The following COL26A1 variants were observed in gnomAD, a reference collection of about 807,000 sequenced individuals.
COL26A1 encodes the protein collagen type XXVI alpha 1 chain.
In COL26A1, 41 loss-of-function variants were observed where a neutral mutation model predicts 59.3. That is an observed-to-expected ratio of 0.69 (90% confidence interval 0.54 to 0.90). The LOEUF is 0.90. Among genes scored for constraint, COL26A1 ranks in the 40% least tolerant of loss-of-function variants. The pLI is 0.00. For synonymous variants in COL26A1, 266 were observed against 256.0 expected (o/e 1.04, Z -0.37); for missense variants, 612 against 602.3 (o/e 1.02, Z -0.17).
intron 1 of COL26A1, among the ~76,000 whole-genome samples, chr7:101,383,707 G>A (rs1355188591): frequency 1.3e-5 from 2 of 152,106 alleles, no homozygotes; most frequent in African/African-American, 4.8e-5. Flanking sequence ...GCTACTTTTT[G>A]TATTTTTAGT....
At chr7:101,430,840 G>C (rs1656669531) in intron 2 of COL26A1, among the ~76,000 whole-genome samples, 1 of 151,952 alleles carries the variant, frequency 6.6e-6, no homozygotes, top group South Asian at 2.1e-4. Context: ...TGTCACCCAG[G>C]CTGGAGTGCA....
At chr7:101,475,920 T>TCTCTCTCTC (rs1563000308) in intron 3 of COL26A1, among the ~76,000 whole-genome samples, 118 of 146,512 alleles carry the variant, frequency 8.1e-4, no homozygotes, top group East Asian at 2.3e-3. Context: ...CTCTCTCTCT[T>TCTCTCTCTC]TCTTTCTCTC....
chr7:101,517,798 ATTTTTTTTTTTTT>A (rs869245512), intron 3 of COL26A1, among the ~76,000 whole-genome samples: 6,241 of 76,824 alleles, frequency 0.081, 640 homozygotes, highest in African/African-American at 0.28. Flanking sequence ...TTCTCCCCGC[ATTTTTTTTTTTTT>A]TTTTTTTTTT....
intron 3 of COL26A1, among the ~76,000 whole-genome samples, chr7:101,491,678 T>C (rs1300589303): frequency 6.6e-6 from 1 of 152,138 alleles, no homozygotes; most frequent in East Asian, 1.9e-4. Flanking sequence ...TAAACTGTCA[T>C]GGTGCTGGTG....
chr7:101,464,320 G>A (rs370079101), intron 3 of COL26A1, among the ~76,000 whole-genome samples: 23 of 151,876 alleles, frequency 1.5e-4, no homozygotes, highest in Admixed American at 2.6e-4. Flanking sequence ...GGCTGGTCTC[G>A]AACTCCTGAC....
chr7:101,508,378 C>T (rs1271415521), intron 3 of COL26A1, among the ~76,000 whole-genome samples: 1 of 151,894 alleles, frequency 6.6e-6, no homozygotes, highest in African/African-American at 2.4e-5. Flanking sequence ...AAAAATCATC[C>T]AGGCGTGGTG....
intron 1 of COL26A1, among the ~76,000 whole-genome samples, chr7:101,377,201 T>A (rs1791339056): frequency 6.6e-6 from 1 of 151,774 alleles, no homozygotes; most frequent in Admixed American, 6.6e-5. Flanking sequence ...GAGATGGGGG[T>A]GTCACTATGT....
At chr7:101,405,123 G>C (rs1792097750) in intron 1 of COL26A1, among the ~76,000 whole-genome samples, 1 of 148,124 alleles carries the variant, frequency 6.8e-6, no homozygotes, top group South Asian at 2.2e-4. Flanking sequence ...TCAGGAGACC[G>C]AGGCAGGAGA....
rs1554404085 is a variant in COL26A1 at position 101,387,778 on chromosome 7, A to ATTTTTT, written c.158+24592_158+24597dup. 1.1e-3 allele frequency among the ~76,000 whole-genome samples: 96 copies of ATTTTTT among 84,760 alleles called. 1 individual carries two copies. Among genetic ancestry groups the ATTTTTT allele is most frequent in the African/African-American group, 2.9e-3 (58 of 20,094 alleles). The allele number at this position is 84,760 out of a possible 152,430, so 55.6% of individuals were successfully genotyped here. On this transcript the variant is annotated intron_variant, in intron 1 of 12. Coordinates refer to ENST00000313669, the MANE Select transcript of COL26A1 (RefSeq NM_001278563.3). ...TTTATATATATATATATATATATAT[A>ATTTTTT]TTTTTTTTTAAGACAGAGTCTCACT...
At chr7:101,556,927 GGATA>G (rs772986073) in intron 12 of COL26A1, among the ~76,000 whole-genome samples, 14 of 151,202 alleles carry the variant, frequency 9.3e-5, no homozygotes, top group Non-Finnish European at 1.6e-4. Context: ...ATGGATGGAT[GGATA>G]GATGCATAGA....
At chr7:101,506,628 T>G (rs1794817573) in intron 3 of COL26A1, among the ~76,000 whole-genome samples, 1 of 152,200 alleles carries the variant, frequency 6.6e-6, no homozygotes, top group South Asian at 2.1e-4. Context: ...TCCTTTTACC[T>G]AGCCTCCGTG....
intron 2 of COL26A1, among the ~76,000 whole-genome samples, chr7:101,437,764 C>T (rs138244368): frequency 3.7e-4 from 54 of 147,438 alleles, no homozygotes; most frequent in Non-Finnish European, 5.6e-4. Context: ...TTTTAAGAGA[C>T]GGGGTCTGGC....
At chr7:101,525,334 G>A (rs187954502) in intron 3 of COL26A1, among the ~76,000 whole-genome samples, 7 of 145,210 alleles carry the variant, frequency 4.8e-5, no homozygotes, top group Admixed American at 1.4e-4. Flanking sequence ...GGCGTGTGCC[G>A]CCATGCCCAG....
At chr7:101,406,962 A>T (rs1792142161) in intron 1 of COL26A1, among the ~76,000 whole-genome samples, 1 of 146,564 alleles carries the variant, frequency 6.8e-6, no homozygotes, top group Non-Finnish European at 1.5e-5. Flanking sequence ...TAAAAAACAA[A>T]CAAGAAAACC....
intron 1 of COL26A1, among the ~76,000 whole-genome samples, chr7:101,401,422 TGGA>T (rs1325408435): frequency 1.4e-5 from 2 of 140,982 alleles, no homozygotes; most frequent in African/African-American, 5.4e-5. Flanking sequence ...GAGCAGGAGG[TGGA>T]GGAGAAGGAG....
intron 3 of COL26A1, among the ~76,000 whole-genome samples, chr7:101,524,522 C>A (rs1172701221): frequency 6.6e-6 from 1 of 151,678 alleles, no homozygotes; most frequent in Non-Finnish European, 1.5e-5. Context: ...TGTAACACAC[C>A]AGCTGCAATT....
intron 2 of COL26A1, among the ~76,000 whole-genome samples, chr7:101,439,567 A>AG (rs71106530): frequency 6.7e-6 from 1 of 149,646 alleles, no homozygotes; most frequent in Non-Finnish European, 1.5e-5. Flanking sequence ...AAAAAAAAAA[A>AG]GAGGTAAGGA....
chr7:101,557,647 TGAGGACATGGGGGGCTTTGGG>T lies in COL26A1; in HGVS notation c.*120_*140del. Reference sequence around the variant, plus strand: ...ACTGGGCTCCAGGCATGGATGATTGTGAGGACATGGGGGGCTTTGGGGACAGATAATGTCTCCAGGGGCAGG... The same window carrying T: ...ACTGGGCTCCAGGCATGGATGATTGTGACAGATAATGTCTCCAGGGGCAGG... On this transcript the variant is annotated 3_prime_UTR_variant, in exon 13 of 13. Coordinates refer to ENST00000313669, the MANE Select transcript of COL26A1 (RefSeq NM_001278563.3). The T allele has an allele frequency of 9.3e-6, 10 of 1,075,634 alleles. No individual in the cohort carries two copies. Among genetic ancestry groups the T allele is most frequent in the Non-Finnish European group, 1.3e-5 (10 of 767,496 alleles). 66.6% of individuals were successfully genotyped at this position (1,075,634 alleles called of 1,614,324 possible).
At chr7:101,463,779 T>TTCTTTCTCTC (rs1554416032) in intron 3 of COL26A1, among the ~76,000 whole-genome samples, 11 of 122,660 alleles carry the variant, frequency 9.0e-5, no homozygotes, top group Non-Finnish European at 1.4e-4. Flanking sequence ...CCTTCTTTCT[T>TTCTTTCTCTC]TCTTTCTTCC....
Sources: allele counts gnomAD v4.1 joint callset (sites outside exome capture counted in the v4.1 genomes callset), GRCh38; gene constraint gnomAD v4.1.1; transcripts MANE v1.5; gene names NCBI Gene and HGNC (gene_info 2026-07-23, HGNC 2026-07-21).